The following CMSS1 variants were observed in gnomAD, a reference collection of about 807,000 sequenced individuals.
CMSS1 encodes the protein protein CMSS1.
A neutral mutation model predicts 43.5 loss-of-function variants in CMSS1; 33 were observed. The observed-to-expected ratio is 0.76, with a 90% CI of 0.57 to 1.01. The LOEUF is 1.01. Ranked by LOEUF, CMSS1 falls within the 50% of genes least tolerant of loss-of-function variation. The probability of loss-of-function intolerance (pLI) is 0.00; values close to 1 mark genes in which losing one functional copy is unlikely to be tolerated. For missense variants in CMSS1, 313 were observed against 326.4 expected (o/e 0.96, Z 0.32); for synonymous variants, 115 against 117.2 (o/e 0.98, Z 0.12).
chr3:100,034,982 A>T (rs2065082343), intron 1 of CMSS1, among the ~76,000 whole-genome samples: 1 of 152,166 alleles, frequency 6.6e-6, no homozygotes, highest in South Asian at 2.1e-4. Context: ...GTCAAGAAAA[A>T]AGCCATTTTG....
chr3:99,969,547 G>C (rs1158108726), intron 1 of CMSS1, among the ~76,000 whole-genome samples: 1 of 152,184 alleles, frequency 6.6e-6, no homozygotes, highest in Non-Finnish European at 1.5e-5. Flanking sequence ...AATGGTTGAA[G>C]TAATGAGCCG....
At chr3:99,979,123 A>G (rs1709049181) in intron 1 of CMSS1, among the ~76,000 whole-genome samples, 1 of 152,208 alleles carries the variant, frequency 6.6e-6, no homozygotes, top group Non-Finnish European at 1.5e-5. Context: ...AGAAATGATA[A>G]ATGTTTGAGG....
At chr3:100,071,090 C>CTTTTTTT (rs61563009) in intron 1 of CMSS1, among the ~76,000 whole-genome samples, 62 of 70,444 alleles carry the variant, frequency 8.8e-4, no homozygotes, top group East Asian at 2.0e-3. Context: ...GCTACTCTCT[C>CTTTTTTT]TTTTTTTTTT....
At chr3:99,963,991 T>A (rs1708570663) in intron 1 of CMSS1, among the ~76,000 whole-genome samples, 1 of 152,136 alleles carries the variant, frequency 6.6e-6, no homozygotes. Flanking sequence ...AGCTCCCAGG[T>A]ACAACCAAGG....
chr3:99,851,025 C>T lies in CMSS1; in HGVS notation c.64+32982C>T, dbSNP rs1271496155. The T allele has an allele frequency of 1.9e-6, 3 of 1,609,586 alleles. No homozygotes were observed. The East Asian group carries it at 6.7e-5, about 36-fold the overall frequency. ...TGACCCTTTTCTCCTTTTCTTGCTCCTTCTCCTCCTGAGACTTGATTTCTT... is the reference window on the plus strand; with the variant it reads ...TGACCCTTTTCTCCTTTTCTTGCTCTTTCTCCTCCTGAGACTTGATTTCTT... On this transcript the variant is annotated intron_variant, in intron 1 of 9. Transcript: ENST00000421999.
intron 1 of CMSS1, among the ~76,000 whole-genome samples, chr3:100,019,163 A>G (rs936662496): frequency 6.6e-6 from 1 of 152,166 alleles, no homozygotes; most frequent in Non-Finnish European, 1.5e-5. Context: ...TTATCCATCA[A>G]TTCCATTTCT....
At chr3:100,105,707 C>G (rs548468088) in intron 1 of CMSS1, among the ~76,000 whole-genome samples, 101 of 152,304 alleles carry the variant, frequency 6.6e-4, no homozygotes, top group African/African-American at 2.4e-3. Flanking sequence ...ACTGCTAGGT[C>G]AAGCTGATGC....
chr3:99,858,010 T>C (rs1944056300), intron 1 of CMSS1, among the ~76,000 whole-genome samples: 1 of 152,164 alleles, frequency 6.6e-6, no homozygotes, highest in Admixed American at 6.5e-5. Context: ...AAGGAGATAG[T>C]TCCAGCACAA....
intron 6 of CMSS1, among the ~76,000 whole-genome samples, chr3:100,169,742 G>C (rs1026937907): frequency 6.6e-6 from 1 of 152,180 alleles, no homozygotes; most frequent in Non-Finnish European, 1.5e-5. Context: ...CTTCCGGGCA[G>C]CTGTACTTGC....
intron 1 of CMSS1, among the ~76,000 whole-genome samples, chr3:99,948,073 T>C (rs1459132215): frequency 6.6e-6 from 1 of 152,258 alleles, no homozygotes; most frequent in African/African-American, 2.4e-5. Flanking sequence ...ACATTCTGTT[T>C]CTGATTTATA....
At chr3:99,996,778 T>C (rs1709697191) in intron 1 of CMSS1, among the ~76,000 whole-genome samples, 1 of 151,942 alleles carries the variant, frequency 6.6e-6, no homozygotes, top group South Asian at 2.1e-4. Context: ...ATGAGAACAG[T>C]ATGGGGAAAA....
chr3:100,115,951 A>C (rs1394493297), intron 1 of CMSS1, among the ~76,000 whole-genome samples: 2 of 152,120 alleles, frequency 1.3e-5, no homozygotes, highest in Non-Finnish European at 2.9e-5. Context: ...CCTTTTTTAT[A>C]TGTGACCTTC....
At chr3:99,932,966 A>T (rs987345997) in intron 1 of CMSS1, among the ~76,000 whole-genome samples, 1 of 152,172 alleles carries the variant, frequency 6.6e-6, no homozygotes, top group Non-Finnish European at 1.5e-5. Context: ...TATGTGTGCT[A>T]AGCATTCTTC....
At chr3:99,866,478 G>C (rs111358437) in intron 1 of CMSS1, among the ~76,000 whole-genome samples, 1 of 152,288 alleles carries the variant, frequency 6.6e-6, no homozygotes, top group African/African-American at 2.4e-5. Context: ...ATAGAAACAG[G>C]ATGGATAGCA....
chr3:99,962,954 T>C (rs1393754989), intron 1 of CMSS1, among the ~76,000 whole-genome samples: 2 of 152,238 alleles, frequency 1.3e-5, no homozygotes, highest in East Asian at 3.8e-4. Flanking sequence ...CATCCATATT[T>C]CACATGTTAC....
At chr3:99,907,309 G>A (rs959946330) in intron 1 of CMSS1, among the ~76,000 whole-genome samples, 7 of 151,828 alleles carry the variant, frequency 4.6e-5, no homozygotes, top group Middle Eastern at 3.2e-3. Flanking sequence ...GTGCAGTGGC[G>A]CAATCTCAGC....
intron 1 of CMSS1, among the ~76,000 whole-genome samples, chr3:99,837,180 T>A (rs1388264905): frequency 6.6e-6 from 1 of 152,214 alleles, no homozygotes; most frequent in Non-Finnish European, 1.5e-5. Flanking sequence ...TATAAATTAC[T>A]ATGAGAGCTG....
intron 1 of CMSS1, among the ~76,000 whole-genome samples, chr3:99,969,438 A>G (rs1390739212): frequency 1.3e-5 from 2 of 152,204 alleles, no homozygotes; most frequent in African/African-American, 4.8e-5. Flanking sequence ...TAGTTGCGTC[A>G]ATCTGAAAGC....
At chr3:100,130,746 G>C (rs2066700045) in intron 1 of CMSS1, among the ~76,000 whole-genome samples, 1 of 152,182 alleles carries the variant, frequency 6.6e-6, no homozygotes, top group Non-Finnish European at 1.5e-5. Context: ...AGTTGTGATA[G>C]AGATTATATG....
Sources: allele counts gnomAD v4.1 joint callset (sites outside exome capture counted in the v4.1 genomes callset), GRCh38; gene constraint gnomAD v4.1.1; transcripts MANE v1.5; gene names NCBI Gene and HGNC (gene_info 2026-07-23, HGNC 2026-07-21).